Variants in CLVS1 observed in about 807,000 individuals in gnomAD.
The protein encoded by CLVS1 is clavesin-1.
Under a neutral mutation model 33.1 loss-of-function variants are expected in CLVS1, and 10 were observed. The observed-to-expected ratio is 0.30, with a 90% CI of 0.19 to 0.51. The LOEUF is 0.51. Among genes scored for constraint, CLVS1 ranks in the 20% least tolerant of loss-of-function variants. CLVS1 has a pLI of 0.97. For missense variants in CLVS1, 343 were observed against 433.4 expected, an observed-to-expected ratio of 0.79 and a Z score of 1.85; for synonymous variants, 163 against 166.1, an observed-to-expected ratio of 0.98 and a Z score of 0.14.
chr8:61,208,582 C>T (rs996583313), intron 2 of CLVS1, among the ~76,000 whole-genome samples: 2 of 151,916 alleles, frequency 1.3e-5, no homozygotes, highest in Admixed American at 1.3e-4. Flanking sequence ...AGATTGACTG[C>T]ACCCCATTTT....
At chr8:61,226,077 A>G (rs1446216749) in intron 2 of CLVS1, among the ~76,000 whole-genome samples, 1 of 152,224 alleles carries the variant, frequency 6.6e-6, no homozygotes, top group African/African-American at 2.4e-5. Flanking sequence ...AGAAAAAACA[A>G]ATTCTGAATT....
chr8:61,050,102 T>C, the CLVS1 span, among the ~76,000 whole-genome samples: 2 of 152,240 alleles, frequency 1.3e-5, no homozygotes, highest in Admixed American at 1.3e-4. Context: ...GGAGTCTGAT[T>C]TAAGCACCCT....
At chr8:61,184,312 G>A (rs1035424368) in intron 2 of CLVS1, among the ~76,000 whole-genome samples, 7 of 152,176 alleles carry the variant, frequency 4.6e-5, no homozygotes, top group African/African-American at 1.4e-4. Flanking sequence ...GAGAAAGTGA[G>A]CATTTGTGCA....
chr8:60,972,500 T>G, the CLVS1 span, among the ~76,000 whole-genome samples: 2 of 152,168 alleles, frequency 1.3e-5, no homozygotes, highest in Admixed American at 1.3e-4. Flanking sequence ...AAGATATAGG[T>G]ATAGTTAAGT....
intron 1 of CLVS1, among the ~76,000 whole-genome samples, chr8:61,077,718 C>A (rs911892122): frequency 5.0e-5 from 6 of 120,852 alleles, no homozygotes; most frequent in African/African-American, 2.2e-4. Context: ...TGCCAGCAGA[C>A]CAGGATTTTT....
At chr8:61,176,168 G>A (rs1807108522) in intron 2 of CLVS1, among the ~76,000 whole-genome samples, 1 of 152,148 alleles carries the variant, frequency 6.6e-6, no homozygotes, top group Non-Finnish European at 1.5e-5. Flanking sequence ...TGGTCAGTGG[G>A]ACAGTAGCAA....
intron 2 of CLVS1, among the ~76,000 whole-genome samples, chr8:61,149,899 A>T (rs1806493611): frequency 6.6e-6 from 1 of 152,180 alleles, no homozygotes; most frequent in East Asian, 1.9e-4. Context: ...TTAGGAATTC[A>T]ACATTCTATA....
At position 61,500,971 on chromosome 8, in the gene CLVS1, T is replaced by TTTAA. The variant is rs756333602; in HGVS notation, c.*1432_*1435dup. On this transcript the variant is annotated 3_prime_UTR_variant, in exon 6 of 6. Transcript: ENST00000325897. ...ATCTCTTTCTCAATGGATCTAATGT[T>TTTAA]TTAATTTTTTCCCCTATTGGTAGAG... 3 of 152,206 alleles carry TTTAA rather than the reference T, an allele frequency of 2.0e-5. No individual in the cohort carries two copies. Among genetic ancestry groups the TTTAA allele is most frequent in the African/African-American group, 7.2e-5 (3 of 41,462 alleles). 9.4% of individuals were successfully genotyped at this position (152,206 alleles called of 1,614,324 possible).
chr8:61,205,842 A>AT (rs559861891), intron 2 of CLVS1, among the ~76,000 whole-genome samples: 68 of 152,112 alleles, frequency 4.5e-4, no homozygotes, highest in Middle Eastern at 3.4e-3. Context: ...TAAACTTAAA[A>AT]TTTTTTTTAT....
chr8:61,292,599 C>A (rs191195622), intron 1 of CLVS1: 7 of 319,760 alleles, frequency 2.2e-5, no homozygotes, highest in South Asian at 5.5e-5. Flanking sequence ...CCATTGATAC[C>A]CCTAGGAAGC....
At chr8:61,169,100 T>TAGAA (rs556799411) in intron 2 of CLVS1, among the ~76,000 whole-genome samples, 1,535 of 152,296 alleles carry the variant, frequency 0.01, 13 homozygotes, top group Non-Finnish European at 0.015. Flanking sequence ...TGGTATCCTT[T>TAGAA]GCCACTTAGC....
intron 2 of CLVS1, among the ~76,000 whole-genome samples, chr8:61,331,771 A>G (rs1316472031): frequency 1.3e-5 from 2 of 148,258 alleles, no homozygotes; most frequent in Admixed American, 6.7e-5. Context: ...CTTTTTCTAC[A>G]TTTTCTCATT....
chr8:61,312,251 T>C (rs1475520832), intron 2 of CLVS1, among the ~76,000 whole-genome samples: 1 of 152,206 alleles, frequency 6.6e-6, no homozygotes, highest in East Asian at 1.9e-4. Flanking sequence ...GCCCTTTCGA[T>C]ATGGTTCCCA....
At chr8:61,308,173 T>C (rs982803472) in intron 2 of CLVS1, among the ~76,000 whole-genome samples, 15 of 152,192 alleles carry the variant, frequency 9.9e-5, no homozygotes, top group African/African-American at 3.4e-4. Context: ...AGCATTTCCA[T>C]GTACGTTTTC....
At chr8:61,110,757 A>C (rs937355759) in intron 1 of CLVS1, among the ~76,000 whole-genome samples, 13 of 152,248 alleles carry the variant, frequency 8.5e-5, no homozygotes, top group Non-Finnish European at 1.9e-4. Flanking sequence ...GAGAAATTTG[A>C]CTACTTGAAT....
chr8:61,479,099 C>T (rs926347404), intron 5 of CLVS1, among the ~76,000 whole-genome samples: 1 of 152,112 alleles, frequency 6.6e-6, no homozygotes, highest in Non-Finnish European at 1.5e-5. Flanking sequence ...GTGGCATTCT[C>T]TCTATTTCCT....
At chr8:61,420,050 T>C (rs187820202) in intron 3 of CLVS1, among the ~76,000 whole-genome samples, 9 of 152,368 alleles carry the variant, frequency 5.9e-5, no homozygotes, top group African/African-American at 1.9e-4. Context: ...TATCTTTCAA[T>C]AACTTTCCTC....
intron 2 of CLVS1, among the ~76,000 whole-genome samples, chr8:61,350,236 AC>A (rs1448189958): frequency 1.3e-5 from 2 of 152,134 alleles, no homozygotes; most frequent in Non-Finnish European, 2.9e-5. Flanking sequence ...AATAATAAAT[AC>A]CTATTTATCC....
chr8:61,397,376 T>C (rs74507444), intron 3 of CLVS1, among the ~76,000 whole-genome samples: 2,059 of 152,314 alleles, frequency 0.014, 36 homozygotes, highest in African/African-American at 0.047. Flanking sequence ...TCAAATCTTG[T>C]GCCAACTTTT....
Sources: gnomAD v4.1 joint callset for allele counts (sites outside exome capture counted in the v4.1 genomes callset) on GRCh38, gnomAD v4.1.1 for gene constraint, MANE v1.5 for transcripts, NCBI Gene and HGNC (gene_info 2026-07-23, HGNC 2026-07-21) for gene names.